TGS1: variants seen among roughly 807,000 people sequenced by gnomAD.
TGS1 encodes trimethylguanosine synthase 1.
A neutral mutation model predicts 92.2 loss-of-function variants in TGS1; 69 were observed. That is an observed-to-expected ratio of 0.75 (90% CI 0.62 to 0.91). TGS1 has a LOEUF of 0.91. Ranked by LOEUF, TGS1 falls within the 40% of genes least tolerant of loss-of-function variation. TGS1 has a pLI of 0.00. For synonymous variants in TGS1, 345 were observed against 338.1 expected (o/e 1.02, Z -0.22); for missense variants, 1,062 against 1,001.2 (o/e 1.06, Z -0.82).
chr8:55,792,515 T>C (rs1811915689), intron 5 of TGS1, among the ~76,000 whole-genome samples, 183 bp from the exon 6 acceptor site: 1 of 152,258 alleles, frequency 6.6e-6, no homozygotes, highest in African/African-American at 2.4e-5. Context: ...TCCTGGGTAC[T>C]TACCTTATTT....
chr8:55,820,824 G>C (rs555864397), intron 12 of TGS1, among the ~76,000 whole-genome samples: 77 of 152,264 alleles, frequency 5.1e-4, no homozygotes, highest in Non-Finnish European at 7.9e-4. Flanking sequence ...TTATCTGTTT[G>C]TACCTGCCGT....
chr8:55,823,469 G>A (rs1013362252), intron 12 of TGS1, among the ~76,000 whole-genome samples: 2 of 152,138 alleles, frequency 1.3e-5, no homozygotes, highest in African/African-American at 4.8e-5. Flanking sequence ...ACCTCATAAA[G>A]AGCAATATAT....
At chr8:55,814,674 A>AAAAATATATATATAT (rs1254531524) in intron 12 of TGS1, among the ~76,000 whole-genome samples, 1 of 123,352 alleles carries the variant, frequency 8.1e-6, no homozygotes, top group African/African-American at 3.6e-5. Context: ...AAAAAAAAAA[A>AAAAATATATATATAT]ATATATATAT....
At chr8:55,783,598 T>C (rs767261956) in intron 2 of TGS1, among the ~76,000 whole-genome samples, 1 of 152,166 alleles carries the variant, frequency 6.6e-6, no homozygotes, top group Non-Finnish European at 1.5e-5. Context: ...AAATATAATT[T>C]ATACTGTACA....
At chr8:55,779,590 G>T (rs1432945121) in intron 1 of TGS1, among the ~76,000 whole-genome samples, 1 of 152,198 alleles carries the variant, frequency 6.6e-6, no homozygotes, top group Non-Finnish European at 1.5e-5. Context: ...GGCAGCCCAG[G>T]CTACATGCTT....
chr8:55,781,843 T>C (rs930388876), intron 1 of TGS1, among the ~76,000 whole-genome samples: 1 of 152,226 alleles, frequency 6.6e-6, no homozygotes, highest in African/African-American at 2.4e-5. Flanking sequence ...TTGGCCTTCT[T>C]GTGGCAGTTA....
At chr8:55,785,978 C>T in intron 3 of TGS1, 87 bp downstream of exon 3, 1 of 1,056,438 alleles carries the variant, frequency 9.5e-7, no homozygotes, top group Admixed American at 2.5e-5. Context: ...AGATTATATG[C>T]ATTCACGATC....
intron 7 of TGS1, among the ~76,000 whole-genome samples, chr8:55,798,231 A>G (rs1290483068): frequency 2.0e-5 from 3 of 152,164 alleles, no homozygotes; most frequent in Non-Finnish European, 2.9e-5. Flanking sequence ...ACTTCATTCT[A>G]ATTTACTCAC....
At chr8:55,822,662 T>G (rs1803682280) in intron 12 of TGS1, among the ~76,000 whole-genome samples, 1 of 152,116 alleles carries the variant, frequency 6.6e-6, no homozygotes, top group Non-Finnish European at 1.5e-5. Context: ...CTTTGCTATT[T>G]TTAAATTTCT....
Position 55,786,393 on chromosome 8 carries a change from C to T in TGS1, c.495C>T (p.Asn165=), listed in dbSNP as rs1201464337. ...CATCTTCAATTGAACAGTATGAGAA[C>T]ACCAGAACATATGAACTTCAAAGCA... ...DDPSSIEQYE[N]TRTYELQSKK... The change falls in exon 4 of 13, where the codon AAC becomes AAT. Residue 165 remains asparagine (N), a synonymous_variant. Coordinates refer to ENST00000260129, the MANE Select transcript of TGS1 (RefSeq NM_024831.8). 3 of 1,613,762 alleles carry T rather than the reference C, an allele frequency of 1.9e-6. 1 individual carries two copies. The highest frequency in any genetic ancestry group is 3.3e-5 in the Admixed American group (2 of 59,936).
chr8:55,802,319 T>C (rs1230453887), intron 8 of TGS1, 138 bp from the exon 9 acceptor site: 8 of 652,074 alleles, frequency 1.2e-5, no homozygotes, highest in Non-Finnish European at 1.8e-5. Context: ...TCCATCAGGC[T>C]CTCCTGTTTC....
At chr8:55,812,674 A>G (rs1403056230) in intron 11 of TGS1, among the ~76,000 whole-genome samples, 1 of 152,024 alleles carries the variant, frequency 6.6e-6, no homozygotes, top group East Asian at 1.9e-4. Flanking sequence ...GCAGAGCCAG[A>G]CCCTGTCTCA....
chr8:55,781,658 C>T (rs1811565255), intron 1 of TGS1, among the ~76,000 whole-genome samples: 1 of 152,214 alleles, frequency 6.6e-6, no homozygotes, highest in Non-Finnish European at 1.5e-5. Flanking sequence ...AGCACATTTG[C>T]ACGTCACCCC....
rs192203426 is a variant in TGS1 at position 55,824,460 on chromosome 8, C to T, written c.2440-121C>T. The T allele has an allele frequency of 1.6e-5, 20 of 1,280,810 alleles. No homozygotes were observed. The Admixed American group carries it at 4.4e-4, about 28-fold the overall frequency. The allele number at this position is 1,280,810 out of a possible 1,614,324, so 79.3% of individuals were successfully genotyped here. A position where few individuals can be genotyped will look rare whatever the true frequency, so the allele number is the denominator to read the frequency against. On this transcript the variant is annotated intron_variant, in intron 12 of 12. Coordinates refer to ENST00000260129, the MANE Select transcript of TGS1 (RefSeq NM_024831.8). ...AAGTAGCAGTGAACATTTGAGATGC[C>T]TCATTATTCAAAGGACTTAAAAGCC...
At chr8:55,814,369 T>G (rs1803415725) in intron 12 of TGS1, among the ~76,000 whole-genome samples, 1 of 151,972 alleles carries the variant, frequency 6.6e-6, no homozygotes, top group South Asian at 2.1e-4. Context: ...TTCTCCAGAG[T>G]TGAGATTCTC....
At chr8:55,797,128 G>A (rs551932643) in intron 7 of TGS1, among the ~76,000 whole-genome samples, 49 of 152,282 alleles carry the variant, frequency 3.2e-4, no homozygotes, top group Non-Finnish European at 4.7e-4. Context: ...AATTTTTGAA[G>A]GAAAGAGGTT....
In TGS1 at chr8:55,780,175, T is replaced by C. The variant is rs1376208; in HGVS notation, c.102-2573T>C. 4.8e-4 allele frequency among the ~76,000 whole-genome samples: 61 copies of C among 127,398 alleles called. No homozygotes were observed. The South Asian group carries it at 5.4e-3, about 11-fold the overall frequency. 83.6% of individuals were successfully genotyped at this position (127,398 alleles called of 152,430 possible). A position where few individuals can be genotyped will look rare whatever the true frequency, so the allele number is the denominator to read the frequency against. On this transcript the variant is annotated intron_variant, in intron 1 of 12. Transcript: ENST00000260129. ...TCTGGCATGGCTTTTTTTTTTTTTT[T>C]CTTTTTTTTTTTGAGTCAGAGATTC...
intron 9 of TGS1, among the ~76,000 whole-genome samples, chr8:55,803,637 G>T (rs1812282143): frequency 6.6e-6 from 1 of 151,294 alleles, no homozygotes; most frequent in Non-Finnish European, 1.5e-5. Flanking sequence ...GAAAATTAAC[G>T]CACATTATTT....
chr8:55,812,239 A>G (rs1803358954), intron 11 of TGS1, among the ~76,000 whole-genome samples: 1 of 152,058 alleles, frequency 6.6e-6, no homozygotes, highest in Non-Finnish European at 1.5e-5. Context: ...TAAAATTTAG[A>G]GTGTACTCCG....
Sources: gnomAD v4.1 joint callset for allele counts (sites outside exome capture counted in the v4.1 genomes callset) on GRCh38, gnomAD v4.1.1 for gene constraint, MANE v1.5 for transcripts, NCBI Gene and HGNC (gene_info 2026-07-23, HGNC 2026-07-21) for gene names.